The following KIF18A variants were observed in gnomAD, a reference collection of about 807,000 sequenced individuals.
The protein encoded by KIF18A is kinesin family member 18A.
In KIF18A, 67 loss-of-function variants were observed where a neutral mutation model predicts 103.3. The ratio of observed to expected loss-of-function variants is 0.65; its 90% CI spans 0.53 to 0.79. The LOEUF (loss-of-function observed/expected upper bound fraction) is 0.79. Among genes scored for constraint, KIF18A ranks in the 30% least tolerant of loss-of-function variants. The pLI is 0.00. For synonymous variants in KIF18A, 367 were observed against 355.5 expected, an observed-to-expected ratio of 1.03 and a Z score of -0.36; for missense variants, 1,032 against 1,062.5, an observed-to-expected ratio of 0.97 and a Z score of 0.40.
At chr11:28,030,682 G>C (rs1389431211) in intron 15 of KIF18A, among the ~76,000 whole-genome samples, 8 of 151,008 alleles carry the variant, frequency 5.3e-5, no homozygotes, top group Admixed American at 4.6e-4. Flanking sequence ...TTGACAAATG[G>C]GATCTAATTA....
chr11:28,086,101 G>C (rs538416644), intron 6 of KIF18A, among the ~76,000 whole-genome samples: 1 of 152,206 alleles, frequency 6.6e-6, no homozygotes, highest in South Asian at 2.1e-4. Context: ...ACCAGGTGTG[G>C]AGCATATTTA....
intron 13 of KIF18A, among the ~76,000 whole-genome samples, chr11:28,043,372 G>A (rs7942244): frequency 0.087 from 13,231 of 151,596 alleles, 1,021 homozygotes; most frequent in East Asian, 0.36. Context: ...AATTTTACAG[G>A]AAAAAACATA....
chr11:28,026,247 C>G (rs867683338), intron 15 of KIF18A, among the ~76,000 whole-genome samples: 1 of 151,660 alleles, frequency 6.6e-6, no homozygotes. Context: ...AACTCTAATG[C>G]CATTTTATGC....
intron 1 of KIF18A, among the ~76,000 whole-genome samples, chr11:28,107,571 T>C (rs568345815): frequency 6.6e-6 from 1 of 151,990 alleles, no homozygotes; most frequent in Non-Finnish European, 1.5e-5. Flanking sequence ...TCAGGAGGGG[T>C]TCCCGATTGA....
chr11:28,050,745 C>T (rs549133496), intron 13 of KIF18A, among the ~76,000 whole-genome samples: 16 of 151,774 alleles, frequency 1.1e-4, no homozygotes, highest in African/African-American at 3.4e-4. Flanking sequence ...CTGTCAGCAC[C>T]CCCGTCTTGC....
intron 13 of KIF18A, among the ~76,000 whole-genome samples, chr11:28,044,459 C>T (rs1590672256): frequency 6.6e-6 from 1 of 152,122 alleles, no homozygotes; most frequent in South Asian, 2.1e-4. Flanking sequence ...AATAGTTACT[C>T]ATTAATAGTT....
At chr11:28,052,169 T>C (rs1198096925) in intron 13 of KIF18A, among the ~76,000 whole-genome samples, 1 of 152,138 alleles carries the variant, frequency 6.6e-6, no homozygotes, top group East Asian at 1.9e-4. Context: ...GTTATTCTAG[T>C]GCCTCCTCAT....
intron 10 of KIF18A, among the ~76,000 whole-genome samples, chr11:28,075,302 G>A (rs1483859): frequency 1 from 151,749 of 152,308 alleles, 75,602 homozygotes; most frequent in Non-Finnish European, 1. Flanking sequence ...CTGGCATGCT[G>A]CAGATCAAAT....
At position 28,096,079 on chromosome 11, in the gene KIF18A, C is replaced by T. The variant is rs1274782613; in HGVS notation, c.326-1279G>A. Among the ~76,000 whole-genome samples, 3 of 127,182 alleles carry T rather than the reference C, an allele frequency of 2.4e-5. No homozygotes were observed. In the Admixed American group the frequency reaches 2.8e-4, roughly 12 times the overall value. 83.4% of individuals were successfully genotyped at this position (127,182 alleles called of 152,430 possible). Reference sequence around the variant, plus strand: ...AATTACATATGGTAAATACCCAATACAATAATCAGTTAAGGCAATAACTTC... The same window carrying T: ...AATTACATATGGTAAATACCCAATATAATAATCAGTTAAGGCAATAACTTC... On this transcript the variant is annotated intron_variant, in intron 2 of 16. Transcript: ENST00000263181.
chr11:28,068,336 T>C (rs1056918375), intron 11 of KIF18A, among the ~76,000 whole-genome samples: 1 of 151,300 alleles, frequency 6.6e-6, no homozygotes, highest in Non-Finnish European at 1.5e-5. Context: ...GCTTAAAACA[T>C]AGATGACGAG....
In KIF18A at chr11:28,082,937, T is replaced by C. The variant is rs558049660; in HGVS notation, c.1181A>G (p.Tyr394Cys). The C allele has an allele frequency of 1.8e-5, 28 of 1,597,016 alleles. No homozygotes were observed. The highest frequency in any genetic ancestry group is 1.2e-4 in the Admixed American group (7 of 58,142). Residue 394 changes from tyrosine (Y) to cysteine (C), a missense_variant, in exon 9 of 17, where the codon TAT (tyrosine) becomes TGT (cysteine). By Grantham distance (194) the Tyr-to-Cys change is radical. Transcript: ENST00000263181. ...ILLLKEKLKA[Y>C]EEQKAFTNEN... ...ATTAGTGAAGGCTTTCTGTTCTTCA[T>C]AGGCTTTTAGTTTTTCTTTTAACAA... is the stretch of plus-strand genomic sequence containing the variant.
chr11:28,090,756 T>A, intron 4 of KIF18A, 29 bp from the exon 5 acceptor site: 1 of 1,065,840 alleles, frequency 9.4e-7, no homozygotes, highest in Non-Finnish European at 1.4e-6. Flanking sequence ...AAGCAAAATT[T>A]AAAAATCAGC....
At chr11:28,038,442 G>A (rs928722358) in intron 13 of KIF18A, among the ~76,000 whole-genome samples, 5 of 151,434 alleles carry the variant, frequency 3.3e-5, no homozygotes, top group East Asian at 3.9e-4. Context: ...TGGAGTGTAC[G>A]GTCAATGGAA....
At chr11:28,080,683 C>A (rs1026544626) in intron 9 of KIF18A, among the ~76,000 whole-genome samples, 4 of 152,048 alleles carry the variant, frequency 2.6e-5, no homozygotes, top group Non-Finnish European at 5.9e-5. Context: ...ACGTTGAAAT[C>A]GGGCAAATTA....
intron 1 of KIF18A, among the ~76,000 whole-genome samples, chr11:28,107,029 CTT>C (rs1851529374): frequency 6.6e-6 from 1 of 152,062 alleles, no homozygotes; most frequent in African/African-American, 2.4e-5. Context: ...GGCAGATAAT[CTT>C]TTAAGTTTTT....
chr11:28,024,146 T>C (rs1466030320), intron 15 of KIF18A, among the ~76,000 whole-genome samples: 1 of 146,364 alleles, frequency 6.8e-6, no homozygotes, highest in African/African-American at 2.5e-5. Context: ...AAGTAAGCAC[T>C]ATTATTCAAA....
In KIF18A at chr11:28,083,181, C is replaced by T; in HGVS notation, c.1137G>A (p.Glu379=). ...HITQYVKICN[E]QKAEILLLKE... is the part of the protein sequence containing the mutation. ...TAAACAGACATACCTCTGCCTTCTG[C>T]TCATTACAGATCTTTACATATTGAG... Residue 379 remains glutamate (E), a synonymous_variant, in exon 8 of 17, where the codon GAG becomes GAA. Transcript: ENST00000263181. 6.3e-7 allele frequency: 1 copy of T among 1,576,950 alleles called. No homozygotes were observed. The highest frequency in any genetic ancestry group is 1.2e-5 in the South Asian group (1 of 82,874).
In KIF18A at chr11:28,069,434, ATTCAT is replaced by A. The variant is rs1565082798; in HGVS notation, c.1426-16_1426-12del. The A allele has an allele frequency of 6.2e-7, 1 of 1,609,220 alleles. No homozygotes were observed. The highest frequency in any genetic ancestry group is 1.1e-5 in the South Asian group (1 of 90,270). ...TCGTTTTCCAGTGGCCTGAAACACG[ATTCAT>A]TTAACAGTAAATCTAATTTTTATGA... On this transcript the variant is annotated splice_polypyrimidine_tract_variant and intron_variant, in intron 10 of 16. Coordinates refer to ENST00000263181, the MANE Select transcript of KIF18A (RefSeq NM_031217.4).
Position 28,094,816 on chromosome 11 carries a change from AG to A in KIF18A, c.326-17del, listed in dbSNP as rs1851348619. The A allele has an allele frequency of 6.2e-7, 1 of 1,611,478 alleles. No individual in the cohort carries two copies. Among genetic ancestry groups the A allele is most frequent in the Admixed American group, 1.7e-5 (1 of 59,954 alleles). ...TAGGCAAGTACTGAGTTTTTAAGAAAGGGATCAAAACTCTTTGTTATGAAAT... is the reference window on the plus strand; with the variant it reads ...TAGGCAAGTACTGAGTTTTTAAGAAAGGATCAAAACTCTTTGTTATGAAAT... On this transcript the variant is annotated splice_polypyrimidine_tract_variant and intron_variant, in intron 2 of 16. Transcript: ENST00000263181.
Sources: allele counts gnomAD v4.1 joint callset (sites outside exome capture counted in the v4.1 genomes callset), GRCh38; gene constraint gnomAD v4.1.1; transcripts MANE v1.5; gene names NCBI Gene and HGNC (gene_info 2026-07-23, HGNC 2026-07-21).